The following NSUN3 variants were observed in gnomAD, a reference collection of about 807,000 sequenced individuals.
NSUN3 encodes the protein tRNA (cytosine(34)-C(5))-methyltransferase, mitochondrial.
Under a neutral mutation model 36.8 loss-of-function variants are expected in NSUN3, and 24 were observed. The observed-to-expected ratio is 0.65, with a 90% CI of 0.47 to 0.92. The LOEUF is 0.92. Among genes scored for constraint, NSUN3 ranks in the 40% least tolerant of loss-of-function variants. NSUN3 has a pLI of 0.00. For missense variants in NSUN3, 381 were observed against 392.8 expected, an observed-to-expected ratio of 0.97 and a Z score of 0.25; for synonymous variants, 146 against 145.2, an observed-to-expected ratio of 1.01 and a Z score of -0.04.
chr3:94,095,616 A>C (rs535771091), intron 5 of NSUN3, among the ~76,000 whole-genome samples: 1 of 152,190 alleles, frequency 6.6e-6, no homozygotes, highest in Non-Finnish European at 1.5e-5. Context: ...GGACCTGGCC[A>C]CTGAACATTT....
intron 3 of NSUN3, among the ~76,000 whole-genome samples, chr3:94,093,928 T>A (rs1457361733): frequency 6.6e-6 from 1 of 152,210 alleles, no homozygotes; most frequent in Non-Finnish European, 1.5e-5. Flanking sequence ...CTGTTGTAAA[T>A]GTTTTATGTA....
rs2107274173 is a variant in NSUN3, at chr3:94,122,097, A to C, written c.744-4114A>C. Reference sequence around the variant, plus strand: ...GAGGTGGAGGTTGCAGTGAGCCAGGATTGCACCACTGCACTCCAGTCTTGG... The same window carrying C: ...GAGGTGGAGGTTGCAGTGAGCCAGGCTTGCACCACTGCACTCCAGTCTTGG... On this transcript the variant is annotated intron_variant, in intron 5 of 5. Coordinates refer to ENST00000314622, the MANE Select transcript of NSUN3 (RefSeq NM_022072.5). 1.4e-5 allele frequency among the ~76,000 whole-genome samples: 2 copies of C among 147,154 alleles called. 1 individual carries two copies. Among genetic ancestry groups the C allele is most frequent in the South Asian group, 4.6e-4 (2 of 4,376 alleles).
intron 2 of NSUN3, among the ~76,000 whole-genome samples, chr3:94,070,301 A>T (rs550619555): frequency 1.6e-4 from 24 of 152,224 alleles, no homozygotes; most frequent in African/African-American, 5.5e-4. Context: ...ATCTCTAGAA[A>T]AAATAAGCAA....
chr3:94,066,079 G>T (rs1327777319), intron 2 of NSUN3, among the ~76,000 whole-genome samples: 1 of 150,774 alleles, frequency 6.6e-6, no homozygotes, highest in Non-Finnish European at 1.5e-5. Flanking sequence ...GATTTCAAGA[G>T]GCTTTTTTTT....
intron 3 of NSUN3, among the ~76,000 whole-genome samples, chr3:94,090,542 A>G (rs1297218119): frequency 6.6e-6 from 1 of 152,158 alleles, no homozygotes; most frequent in Non-Finnish European, 1.5e-5. Context: ...ACTAAATGCA[A>G]GGTATTGGAT....
intron 5 of NSUN3, among the ~76,000 whole-genome samples, chr3:94,119,198 G>C (rs769771745): frequency 5.9e-5 from 9 of 152,106 alleles, no homozygotes; most frequent in Non-Finnish European, 1.3e-4. Flanking sequence ...TTTTTGCTTA[G>C]TATATTGTAA....
Position 94,126,460 on chromosome 3 carries a change from G to A in NSUN3, c.993G>A (p.Leu331=), listed in dbSNP as rs2077486546. The change falls in exon 6 of 6, where the codon TTG becomes TTA. Residue 331 remains leucine, a synonymous_variant. Coordinates refer to ENST00000314622, the MANE Select transcript of NSUN3 (RefSeq NM_022072.5). The stretch of plus-strand genomic sequence containing the variant: ...GGGGCCCAATGTATGTAGCCAAATT[G>A]AAGAAATCATGGAGCACAGGAAAAT... ...KAWGPMYVAK[L]KKSWSTGKW is the part of the protein sequence containing the mutation. 1 of 1,610,374 alleles carries A rather than the reference G, an allele frequency of 6.2e-7. No homozygotes were observed. Among genetic ancestry groups the A allele is most frequent in the East Asian group, 2.2e-5 (1 of 44,804 alleles).
At chr3:94,072,811 T>TTTA (rs1560029431) in intron 2 of NSUN3, among the ~76,000 whole-genome samples, 3 of 152,128 alleles carry the variant, frequency 2.0e-5, no homozygotes, top group African/African-American at 7.2e-5. Flanking sequence ...CTCTTTTTTT[T>TTTA]TTATTATTAT....
rs139061495 is a variant in NSUN3, at chr3:94,118,085, G to C, written c.744-8126G>C. On this transcript the variant is annotated intron_variant, in intron 5 of 5. Coordinates refer to ENST00000314622, the MANE Select transcript of NSUN3 (RefSeq NM_022072.5). ...TTTATTGTATATTTCAAAGTAGCTA[G>C]AAGAGAAGAATTGTAATGCTCCCAA... 1.7e-4 allele frequency among the ~76,000 whole-genome samples: 26 copies of C among 152,278 alleles called. No homozygotes were observed. In the East Asian group the frequency reaches 4.2e-3, roughly 25 times the overall value.
At position 94,076,563 on chromosome 3, in the gene NSUN3, C is replaced by T. The variant is rs956229446; in HGVS notation, c.123-7544C>T. On this transcript the variant is annotated intron_variant, in intron 2 of 5. Coordinates refer to ENST00000314622, the MANE Select transcript of NSUN3 (RefSeq NM_022072.5). ...CCCTCCTTTGGAACAGCACTGATGT[C>T]CCACGGGTAGATGGTGTGATCATCT... 3.6e-6 allele frequency: 3 copies of T among 828,886 alleles called. No individual in the cohort carries two copies. The African/African-American group carries it at 5.0e-5, about 14-fold the overall frequency. The allele number at this position is 828,886 out of a possible 1,614,324, so 51.3% of individuals were successfully genotyped here.
rs1459358196 is a variant in NSUN3, at chr3:94,071,276, C to T, written c.122+6730C>T. ...TAGAGATTTAAGACCACAGGAAAAA[C>T]AAATTTAGTACATACACATGTGTAT... is the stretch of plus-strand genomic sequence containing the variant. On this transcript the variant is annotated intron_variant, in intron 2 of 5. Transcript: ENST00000314622. Among the ~76,000 whole-genome samples, 4 of 152,160 alleles carry T rather than the reference C, an allele frequency of 2.6e-5. No homozygotes were observed. The South Asian group carries it at 8.3e-4, about 32-fold the overall frequency.
rs529517535 is a variant in NSUN3 at position 94,099,846 on chromosome 3, C to A, written c.743+4692C>A. Among the ~76,000 whole-genome samples the A allele has an allele frequency of 7.4e-4, 113 of 151,856 alleles. 1 individual carries two copies. Among genetic ancestry groups the A allele is most frequent in the African/African-American group, 2.7e-3 (111 of 41,450 alleles). On this transcript the variant is annotated intron_variant, in intron 5 of 5. Transcript: ENST00000314622. The stretch of plus-strand genomic sequence containing the variant: ...ATAGCACTTTTATCATCAGGAATAG[C>A]TCTATTTTATCACTATCTCACTACC...
intron 2 of NSUN3, among the ~76,000 whole-genome samples, chr3:94,065,966 G>T (rs535800381): frequency 6.6e-6 from 1 of 152,076 alleles, no homozygotes. Flanking sequence ...CTAATAAGTG[G>T]CAGAGCTGAG....
chr3:94,091,119 C>T (rs564581564), intron 3 of NSUN3, among the ~76,000 whole-genome samples: 1 of 151,714 alleles, frequency 6.6e-6, no homozygotes, highest in South Asian at 2.1e-4. Flanking sequence ...TTCTTGCCTC[C>T]TCAGAAAGTA....
intron 3 of NSUN3, among the ~76,000 whole-genome samples, chr3:94,087,173 A>G (rs777514268): frequency 2.0e-5 from 3 of 152,236 alleles, no homozygotes; most frequent in Non-Finnish European, 4.4e-5. Context: ...AATGATAATG[A>G]TTTACTAAGA....
rs2077352134 is a variant in NSUN3 at position 94,098,417 on chromosome 3, G to T, written c.743+3263G>T. Reference sequence around the variant, plus strand: ...GACACATCCGAAATGAAAATCTCGTGTCAATTATCCTTCTGGAAATCCTAC... The same window carrying T: ...GACACATCCGAAATGAAAATCTCGTTTCAATTATCCTTCTGGAAATCCTAC... On this transcript the variant is annotated intron_variant, in intron 5 of 5. Transcript: ENST00000314622. Among the ~76,000 whole-genome samples the T allele has an allele frequency of 3.3e-5, 5 of 152,110 alleles. No homozygotes were observed. In the South Asian group the frequency reaches 1.0e-3, roughly 31 times the overall value.
chr3:94,094,372 C>T, intron 4 of NSUN3, 78 bp downstream of exon 4: 1 of 1,402,052 alleles, frequency 7.1e-7, no homozygotes, highest in South Asian at 1.4e-5. Context: ...TGTTATTTTC[C>T]ATCTGTTCTC....
Position 94,084,262 on chromosome 3 carries a change from T to C in NSUN3, c.278T>C (p.Leu93Pro), listed in dbSNP as rs2077283132. 1 of 1,613,992 alleles carries C rather than the reference T, an allele frequency of 6.2e-7. No individual in the cohort carries two copies. The highest frequency in any genetic ancestry group is 8.5e-7 in the Non-Finnish European group (1 of 1,180,028). The stretch of plus-strand genomic sequence containing the variant: ...TATCCTAAATCAGTGAAGTGTTACC[T>C]TAGCAGAACTCCGGGCCGAATCCCT... ...PNYPKSVKCY[L>P]SRTPGRIPSE... is the part of the protein sequence containing the mutation. Residue 93 changes from leucine (L) to proline (P), a missense_variant, in exon 3 of 6, where the codon CTT (leucine) becomes CCT (proline). By Grantham distance (98) the Leu-to-Pro change is moderately conservative. Transcript: ENST00000314622.
Position 94,131,689 on chromosome 3 carries a change from T to C in NSUN3, c.*5199T>C, listed in dbSNP as rs567268068. On this transcript the variant is annotated 3_prime_UTR_variant, in exon 6 of 6. Transcript: ENST00000314622. ...ATTGTAAAGCAAAGAGTAATTGATA[T>C]TACTTTCTGTGACACTGAGTTACTT... Among the ~76,000 whole-genome samples, 4 of 152,340 alleles carry C rather than the reference T, an allele frequency of 2.6e-5. No individual in the cohort carries two copies. The highest frequency in any genetic ancestry group is 2.1e-4 in the South Asian group (1 of 4,824).
Sources: gnomAD v4.1 joint callset for allele counts (sites outside exome capture counted in the v4.1 genomes callset) on GRCh38, gnomAD v4.1.1 for gene constraint, MANE v1.5 for transcripts, NCBI Gene and HGNC (gene_info 2026-07-23, HGNC 2026-07-21) for gene names.